Variants in SMARCB1 observed in about 807,000 individuals in gnomAD.
The protein encoded by SMARCB1 is SWI/SNF-related matrix-associated actin-dependent regulator of chromatin subfamily B member 1.
SMARCB1 carries 5 observed loss-of-function variants against 49.0 expected under a neutral mutation model. The ratio of observed to expected loss-of-function variants is 0.10; its 90% CI spans 0.05 to 0.21. The LOEUF is 0.21. Among genes scored for constraint, SMARCB1 ranks in the 10% least tolerant of loss-of-function variants. The pLI is 1.00. For synonymous variants in SMARCB1, 201 were observed against 200.1 expected (o/e 1.00, Z -0.04); for missense variants, 226 against 509.2 (o/e 0.44, Z 5.35).
intron 4 of SMARCB1, chr22:23,801,520 C>T: frequency 2.6e-6 from 1 of 391,340 alleles, no homozygotes; most frequent in Non-Finnish European, 4.9e-6. Flanking sequence ...TTCTGGGGCC[C>T]AGGAGCCTGG....
intron 6 of SMARCB1, 181 bp downstream of exon 6, chr22:23,817,117 C>G: frequency 1.6e-6 from 1 of 635,946 alleles, no homozygotes; most frequent in Non-Finnish European, 2.8e-6. Context: ...AGGCTGAGTT[C>G]TCATAGTAAA....
intron 4 of SMARCB1, chr22:23,801,545 G>C (rs1929155433): frequency 5.4e-6 from 2 of 373,728 alleles, no homozygotes; most frequent in Admixed American, 3.6e-5. Context: ...AGTTTCACTA[G>C]ACCAGACTCA....
At chr22:23,818,203 G>C (rs1033278186) in intron 6 of SMARCB1, 1 of 147,776 alleles carries the variant, frequency 6.8e-6, no homozygotes, top group African/African-American at 2.5e-5. Context: ...GCCCAGGCTG[G>C]CTTGCAGTGT....
intron 5 of SMARCB1, among the ~76,000 whole-genome samples, chr22:23,812,865 A>ATTTT (rs34368167): frequency 3.6e-5 from 5 of 137,794 alleles, no homozygotes; most frequent in African/African-American, 1.1e-4. Context: ...TCCTGTTGCT[A>ATTTT]TTTTTTTTTT....
At chr22:23,808,169 G>A (rs1327754786) in intron 5 of SMARCB1, among the ~76,000 whole-genome samples, 1 of 149,542 alleles carries the variant, frequency 6.7e-6, no homozygotes, top group Admixed American at 6.7e-5. Flanking sequence ...CGCCCACTCT[G>A]GAGTGCAGTG....
intron 4 of SMARCB1, chr22:23,801,305 C>T: frequency 1.4e-6 from 1 of 735,614 alleles, no homozygotes; most frequent in Non-Finnish European, 2.4e-6. Context: ...TCCTCCTCAC[C>T]TCTCTGGCCC....
intron 5 of SMARCB1, among the ~76,000 whole-genome samples, chr22:23,813,838 ATTT>A (rs1052297010): frequency 4.0e-5 from 6 of 151,674 alleles, no homozygotes; most frequent in African/African-American, 9.7e-5. Context: ...TATTATTATT[ATTT>A]TTTTTTGAGA....
Position 23,787,006 on chromosome 22 carries a change from C to A in SMARCB1, c.-164C>A. ...CTGAGGGCGGCCTGGTCGTCGTCTG[C>A]GGCGGCGGCGGCGGCTGAGGAGCCC... On this transcript the variant is annotated 5_prime_UTR_variant, in exon 1 of 9. Transcript: ENST00000644036. 1 of 448,478 alleles carries A rather than the reference C, an allele frequency of 2.2e-6. No individual in the cohort carries two copies. The highest frequency in any genetic ancestry group is 3.2e-5 in the South Asian group (1 of 31,088). 27.8% of individuals were successfully genotyped at this position (448,478 alleles called of 1,614,324 possible).
At chr22:23,802,904 A>T (rs1222358542) in intron 4 of SMARCB1, 6 of 359,810 alleles carry the variant, frequency 1.7e-5, no homozygotes, top group African/African-American at 6.4e-5. Flanking sequence ...GTACGTCCTC[A>T]GCAGTTCCTC....
At chr22:23,824,875 C>T (rs1255454676) in intron 6 of SMARCB1, 9 of 398,540 alleles carry the variant, frequency 2.3e-5, no homozygotes, top group Admixed American at 3.7e-5. Flanking sequence ...GGTGTAGTCA[C>T]GTAAGACCGA....
At chr22:23,810,041 G>A (rs1057287034) in intron 5 of SMARCB1, among the ~76,000 whole-genome samples, 16 of 150,694 alleles carry the variant, frequency 1.1e-4, no homozygotes, top group Non-Finnish European at 2.1e-4. Context: ...GCGTGGTGGC[G>A]CATGCCTATA....
In SMARCB1 at chr22:23,833,297, C is replaced by T. The variant is rs370581036; in HGVS notation, c.987-275C>T. On this transcript the variant is annotated intron_variant, in intron 7 of 8. Transcript: ENST00000644036. The stretch of plus-strand genomic sequence containing the variant: ...GGACCACCTCCACAGCCAGTGGCCC[C>T]TTCCTCCATCTCAGAGACAGAGAGA... Among the ~76,000 whole-genome samples the T allele has an allele frequency of 3.3e-5, 5 of 152,356 alleles. No individual in the cohort carries two copies. The East Asian group carries it at 5.8e-4, about 18-fold the overall frequency.
intron 3 of SMARCB1, among the ~76,000 whole-genome samples, chr22:23,796,805 C>T (rs1928776362): frequency 6.6e-6 from 1 of 152,020 alleles, no homozygotes; most frequent in African/African-American, 2.4e-5. Flanking sequence ...ATCCCGTTGC[C>T]CTGGAGGTCA....
intron 1 of SMARCB1, among the ~76,000 whole-genome samples, chr22:23,788,732 G>A (rs1928174630): frequency 6.6e-6 from 1 of 152,164 alleles, no homozygotes; most frequent in Non-Finnish European, 1.5e-5. Flanking sequence ...TTTTAAACTT[G>A]TGGGTTTTAT....
At chr22:23,789,852 A>G (rs1928265217) in intron 1 of SMARCB1, among the ~76,000 whole-genome samples, 1 of 152,208 alleles carries the variant, frequency 6.6e-6, no homozygotes, top group Non-Finnish European at 1.5e-5. Context: ...GAAAACAGGC[A>G]CTGTATTCAG....
chr22:23,787,448 G>C (rs1928082672), intron 1 of SMARCB1, among the ~76,000 whole-genome samples, 186 bp downstream of exon 1: 1 of 152,022 alleles, frequency 6.6e-6, no homozygotes, highest in African/African-American at 2.4e-5. Flanking sequence ...ATCGACCTGG[G>C]ATTTCCTTAC....
In SMARCB1 at chr22:23,837,479, T is replaced by C. The variant is rs1325393478; in HGVS notation, c.*3299T>C. The C allele has an allele frequency of 1.4e-6, 1 of 696,764 alleles. No homozygotes were observed. The highest frequency in any genetic ancestry group is 2.4e-6 in the Non-Finnish European group (1 of 421,470). The allele number at this position is 696,764 out of a possible 1,614,324, so 43.2% of individuals were successfully genotyped here. A position where few individuals can be genotyped will look rare whatever the true frequency, so the allele number is the denominator to read the frequency against. On this transcript the variant is annotated 3_prime_UTR_variant, in exon 9 of 9. Transcript: ENST00000644036. ...AGATCCGTCCTGACGATGCAAATTA[T>C]GTGGGCCGGCTGGCTTGAGGGGCTG...
rs1351203573 is a variant in SMARCB1, at chr22:23,787,011, G to T, written c.-159G>T. 2.0e-6 allele frequency: 1 copy of T among 504,932 alleles called. No individual in the cohort carries two copies. The highest frequency in any genetic ancestry group is 2.0e-5 in the African/African-American group (1 of 48,870). The allele number at this position is 504,932 out of a possible 1,614,324, so 31.3% of individuals were successfully genotyped here. On this transcript the variant is annotated 5_prime_UTR_variant, in exon 1 of 9. Transcript: ENST00000644036. The stretch of plus-strand genomic sequence containing the variant: ...GGCGGCCTGGTCGTCGTCTGCGGCG[G>T]CGGCGGCGGCTGAGGAGCCCGGCTG...
In SMARCB1 at chr22:23,835,696, G is replaced by A; in HGVS notation, c.*1516G>A. The A allele has an allele frequency of 7.1e-6, 7 of 985,516 alleles. No individual in the cohort carries two copies. The highest frequency in any genetic ancestry group is 8.4e-6 in the Non-Finnish European group (7 of 829,968). The allele number at this position is 985,516 out of a possible 1,614,324, so 61.0% of individuals were successfully genotyped here. On this transcript the variant is annotated 3_prime_UTR_variant, in exon 9 of 9. Coordinates refer to ENST00000644036, the MANE Select transcript of SMARCB1 (RefSeq NM_003073.5). ...CCCAGCTGCTCTTAGACATGAACAG[G>A]TTTCATTGCTGAGGTGTTTGTTCTG...
Sources: gnomAD v4.1 joint callset for allele counts (sites outside exome capture counted in the v4.1 genomes callset) on GRCh38, gnomAD v4.1.1 for gene constraint, MANE v1.5 for transcripts, NCBI Gene and HGNC (gene_info 2026-07-23, HGNC 2026-07-21) for gene names.